The following CADM1 variants were observed in gnomAD, a reference collection of about 807,000 sequenced individuals.
CADM1 encodes the protein cell adhesion molecule 1.
A neutral mutation model predicts 53.1 loss-of-function variants in CADM1; 15 were observed. The ratio of observed to expected loss-of-function variants is 0.28; its 90% CI spans 0.19 to 0.44. The LOEUF (loss-of-function observed/expected upper bound fraction) is 0.44. CADM1 is among the 20% of genes least tolerant of loss of function. The probability of loss-of-function intolerance (pLI) is 1.00; values close to 1 mark genes in which losing one functional copy is unlikely to be tolerated. For synonymous variants in CADM1, 281 were observed against 243.0 expected (o/e 1.16, Z -1.45); for missense variants, 434 against 611.3 (o/e 0.71, Z 3.06).
chr11:115,259,608 C>CT (rs1362214796), intron 1 of CADM1, among the ~76,000 whole-genome samples: 3 of 152,024 alleles, frequency 2.0e-5, no homozygotes, highest in African/African-American at 7.2e-5. Flanking sequence ...GTCCAGCCAA[C>CT]TTTTTGTTTT....
At chr11:115,300,700 A>G (rs781337481) in intron 1 of CADM1, among the ~76,000 whole-genome samples, 19 of 152,108 alleles carry the variant, frequency 1.2e-4, no homozygotes, top group Non-Finnish European at 2.2e-4. Context: ...ATTAAGAAGC[A>G]AAACTATGAA....
intron 1 of CADM1, among the ~76,000 whole-genome samples, chr11:115,286,597 T>A (rs1157364696): frequency 6.6e-6 from 1 of 152,196 alleles, no homozygotes; most frequent in African/African-American, 2.4e-5. Context: ...TTACAATAAG[T>A]GCCTGCTTCA....
chr11:115,260,027 A>C (rs531891400), intron 1 of CADM1, among the ~76,000 whole-genome samples: 3 of 152,322 alleles, frequency 2.0e-5, no homozygotes, highest in African/African-American at 7.2e-5. Context: ...TCTGGGCTCA[A>C]GCAATCCTCC....
At chr11:115,316,271 C>T (rs1257275803) in intron 1 of CADM1, among the ~76,000 whole-genome samples, 2 of 152,176 alleles carry the variant, frequency 1.3e-5, no homozygotes, top group African/African-American at 4.8e-5. Context: ...CAGCTAGAAA[C>T]ATCTCCACAG....
intron 8 of CADM1, among the ~76,000 whole-genome samples, chr11:115,200,654 C>G (rs1591598520): frequency 6.6e-6 from 1 of 152,202 alleles, no homozygotes; most frequent in South Asian, 2.1e-4. Context: ...TGCCACCACG[C>G]CTGGCTAATT....
intron 1 of CADM1, among the ~76,000 whole-genome samples, chr11:115,375,906 T>A (rs757447234): frequency 6.6e-6 from 1 of 152,188 alleles, no homozygotes; most frequent in African/African-American, 2.4e-5. Flanking sequence ...CTGTCCAGCA[T>A]ATATTTATTG....
At chr11:115,223,811 G>T (rs1257934061) in intron 5 of CADM1, among the ~76,000 whole-genome samples, 1 of 151,862 alleles carries the variant, frequency 6.6e-6, no homozygotes, top group East Asian at 1.9e-4. Context: ...GAAATAATAG[G>T]TTAAAAAATT....
chr11:115,280,769 A>C (rs1943565263), intron 1 of CADM1, among the ~76,000 whole-genome samples: 1 of 152,204 alleles, frequency 6.6e-6, no homozygotes, highest in African/African-American at 2.4e-5. Context: ...AGGCTGGCAG[A>C]CAGGAGGATG....
At chr11:115,183,554 C>T (rs1347686196) in intron 10 of CADM1, among the ~76,000 whole-genome samples, 1 of 152,152 alleles carries the variant, frequency 6.6e-6, no homozygotes, top group East Asian at 1.9e-4. Flanking sequence ...ACCCTGAAGC[C>T]CTCGGCTACA....
At chr11:115,404,514 T>C (rs1947262741) in intron 1 of CADM1, among the ~76,000 whole-genome samples, 1 of 149,040 alleles carries the variant, frequency 6.7e-6, no homozygotes. Flanking sequence ...AGGAAAGGCT[T>C]TTTAAATAAG....
intron 1 of CADM1, among the ~76,000 whole-genome samples, chr11:115,321,265 T>C (rs1944818310): frequency 6.6e-6 from 1 of 152,186 alleles, no homozygotes; most frequent in Non-Finnish European, 1.5e-5. Flanking sequence ...GCAAGATTGG[T>C]AAGAAGTACT....
At chr11:115,324,009 A>G (rs1329762682) in intron 1 of CADM1, among the ~76,000 whole-genome samples, 1 of 138,754 alleles carries the variant, frequency 7.2e-6, no homozygotes, top group Admixed American at 7.6e-5. Flanking sequence ...GGAGTTCAGG[A>G]GAGGATCTGG....
chr11:115,400,663 A>G (rs199784770), intron 1 of CADM1, among the ~76,000 whole-genome samples: 349 of 7,122 alleles, frequency 0.049, no homozygotes, highest in African/African-American at 0.12. Context: ...GTGTGTGTGT[A>G]TATATATATA....
intron 1 of CADM1, among the ~76,000 whole-genome samples, chr11:115,323,664 G>A (rs911241341): frequency 3.3e-5 from 5 of 152,266 alleles, no homozygotes; most frequent in African/African-American, 1.2e-4. Context: ...TTCACGAAAC[G>A]TTACAAAGGT....
chr11:115,205,016 T>G (rs1458268597), intron 8 of CADM1, among the ~76,000 whole-genome samples: 1 of 152,228 alleles, frequency 6.6e-6, no homozygotes, highest in Non-Finnish European at 1.5e-5. Flanking sequence ...TACTTCATTC[T>G]TATGAAAGGA....
At chr11:115,398,566 C>T (rs758684942) in intron 1 of CADM1, among the ~76,000 whole-genome samples, 19 of 152,164 alleles carry the variant, frequency 1.2e-4, no homozygotes, top group Non-Finnish European at 2.2e-4. Context: ...CTAGATAATT[C>T]TAAACACAAC....
chr11:115,255,026 C>A (rs563249018), intron 1 of CADM1, among the ~76,000 whole-genome samples: 17 of 152,046 alleles, frequency 1.1e-4, no homozygotes, highest in African/African-American at 4.1e-4. Flanking sequence ...TGCTCAGGAG[C>A]TGATAAGAGT....
At chr11:115,194,071 T>C (rs1940029263) in intron 9 of CADM1, 6 of 152,208 alleles carry the variant, frequency 3.9e-5, no homozygotes, top group Admixed American at 3.3e-4. Context: ...TGAAACACAA[T>C]CTTCAGGTCC....
intron 1 of CADM1, among the ~76,000 whole-genome samples, chr11:115,350,177 G>A (rs1945689710): frequency 6.6e-6 from 1 of 152,112 alleles, no homozygotes; most frequent in Admixed American, 6.5e-5. Context: ...CTCCACGTTG[G>A]TCAGGCTGGT....
Sources: gnomAD v4.1 joint callset for allele counts (sites outside exome capture counted in the v4.1 genomes callset) on GRCh38, gnomAD v4.1.1 for gene constraint, MANE v1.5 for transcripts, NCBI Gene and HGNC (gene_info 2026-07-23, HGNC 2026-07-21) for gene names.